LDLRAD4: variants seen among roughly 807,000 people sequenced by gnomAD.
The protein encoded by LDLRAD4 is low density lipoprotein receptor class A domain containing 4.
Under a neutral mutation model 17.0 loss-of-function variants are expected in LDLRAD4, and 5 were observed. The ratio of observed to expected loss-of-function variants is 0.29; its 90% CI spans 0.15 to 0.62. The LOEUF is 0.62. LDLRAD4 is among the 20% of genes least tolerant of loss of function. LDLRAD4 has a pLI of 0.84. For synonymous variants in LDLRAD4, 168 were observed against 171.8 expected, an observed-to-expected ratio of 0.98 and a Z score of 0.17; for missense variants, 340 against 424.7, an observed-to-expected ratio of 0.80 and a Z score of 1.75.
chr18:13,527,696 C>T (rs1397259799), intron 3 of LDLRAD4, among the ~76,000 whole-genome samples: 1 of 152,168 alleles, frequency 6.6e-6, no homozygotes, highest in Non-Finnish European at 1.5e-5. Flanking sequence ...AGAAACGAGG[C>T]AGAGTGTGAG....
At chr18:13,515,566 C>T (rs936061671) in intron 3 of LDLRAD4, 3 of 152,204 alleles carry the variant, frequency 2.0e-5, no homozygotes, top group Non-Finnish European at 4.4e-5. Flanking sequence ...TGAAAGGTTC[C>T]TGCTGTTTTG....
chr18:13,321,506 A>G (rs1473572105), intron 1 of LDLRAD4, among the ~76,000 whole-genome samples: 1 of 152,014 alleles, frequency 6.6e-6, no homozygotes, highest in Non-Finnish European at 1.5e-5. Context: ...TTCCCATTCA[A>G]TTTTACAGCT....
At chr18:13,254,461 G>A (rs920827098) in intron 1 of LDLRAD4, among the ~76,000 whole-genome samples, 4 of 152,166 alleles carry the variant, frequency 2.6e-5, no homozygotes, top group Non-Finnish European at 4.4e-5. Flanking sequence ...GGGCTGGCGC[G>A]GACAGAGAGA....
intron 1 of LDLRAD4, among the ~76,000 whole-genome samples, chr18:13,321,897 A>AAAAAAG (rs2081260513): frequency 1.0e-4 from 12 of 115,340 alleles, no homozygotes; most frequent in Non-Finnish European, 8.7e-5. Context: ...AAAAAAAAAA[A>AAAAAAG]AAAAAGAAAA....
intron 3 of LDLRAD4, among the ~76,000 whole-genome samples, chr18:13,591,678 C>T (rs946698443): frequency 6.6e-6 from 1 of 152,012 alleles, no homozygotes; most frequent in Non-Finnish European, 1.5e-5. Context: ...AATAAAATAC[C>T]GCAGATTGGA....
intron 1 of LDLRAD4, among the ~76,000 whole-genome samples, chr18:13,308,491 G>A (rs2047043117): frequency 6.6e-6 from 1 of 152,336 alleles, no homozygotes; most frequent in Middle Eastern, 3.4e-3. Context: ...TCACCAAGTC[G>A]CCCTTCCTGG....
upstream of LDLRAD4, chr18:13,217,922 C>CG (rs1397867991): frequency 1.4e-5 from 2 of 147,632 alleles, no homozygotes; most frequent in African/African-American, 4.9e-5. This position sits in a 1 kb window ranked among gnomAD's most constrained non-coding sequence, Gnocchi z 4.9. Context: ...GGGGGAGGCC[C>CG]GGGGGTGAGG....
chr18:13,367,423 C>A lies in LDLRAD4; in HGVS notation c.-382-19918C>A, dbSNP rs115474790. On this transcript the variant is annotated intron_variant, in intron 1 of 5. Transcript: ENST00000359446. This position sits in a 1 kb window ranked among gnomAD's most constrained non-coding sequence, Gnocchi z 4.1. Reference sequence around the variant, plus strand: ...CGAGGGGGTCTCAGGCATTGAACTGCGTGGGGCACTCCATGGGGCAGAAAA... The same window carrying A: ...CGAGGGGGTCTCAGGCATTGAACTGAGTGGGGCACTCCATGGGGCAGAAAA... 1.3e-5 allele frequency among the ~76,000 whole-genome samples: 2 copies of A among 152,096 alleles called. No homozygotes were observed. Among genetic ancestry groups the A allele is most frequent in the African/African-American group, 4.8e-5 (2 of 41,414 alleles).
chr18:13,559,939 A>C (rs184886283), intron 3 of LDLRAD4, among the ~76,000 whole-genome samples: 7 of 152,078 alleles, frequency 4.6e-5, no homozygotes, highest in Non-Finnish European at 1.0e-4. Flanking sequence ...CTTCAAACCA[A>C]GATGTTGGTC....
At chr18:13,612,607 T>G in intron 3 of LDLRAD4, 16 of 1,584,408 alleles carry the variant, frequency 1.0e-5, no homozygotes, top group Admixed American at 1.8e-5. Flanking sequence ...ACTGCAGCTC[T>G]GAGCTGCCTG....
chr18:13,425,640 G>A (rs564474688), intron 2 of LDLRAD4, among the ~76,000 whole-genome samples: 1 of 152,316 alleles, frequency 6.6e-6, no homozygotes, highest in East Asian at 1.9e-4. Flanking sequence ...TGACAGAATG[G>A]GACAGAGCAG....
intron 1 of LDLRAD4, among the ~76,000 whole-genome samples, chr18:13,283,934 A>G (rs1184868083): frequency 6.6e-6 from 1 of 152,188 alleles, no homozygotes. Context: ...AGAATGAGGA[A>G]GAAGCAAAAG....
chr18:13,460,233 C>T (rs1374195731), intron 3 of LDLRAD4, among the ~76,000 whole-genome samples: 1 of 152,146 alleles, frequency 6.6e-6, no homozygotes, highest in Non-Finnish European at 1.5e-5. Flanking sequence ...CACTCTCTTG[C>T]CTAGGCTTGA....
At chr18:13,488,551 A>C (rs974693642) in intron 3 of LDLRAD4, 1 of 152,256 alleles carries the variant, frequency 6.6e-6, no homozygotes, top group Non-Finnish European at 1.5e-5. Flanking sequence ...AGCCCTGTGC[A>C]CTAAGAAAGC....
Position 13,398,019 on chromosome 18 carries a change from T to G in LDLRAD4, c.40+10257T>G, listed in dbSNP as rs964251026. 6.6e-6 allele frequency among the ~76,000 whole-genome samples: 1 copy of G among 152,182 alleles called. No homozygotes were observed. Among genetic ancestry groups the G allele is most frequent in the Non-Finnish European group, 1.5e-5 (1 of 68,018 alleles). On this transcript the variant is annotated intron_variant, in intron 2 of 5. Transcript: ENST00000359446. This position sits in a 1 kb window ranked among gnomAD's most constrained non-coding sequence, Gnocchi z 4.8. ...AGGAGGTGTGGGCGTGATCCGAGTT[T>G]GTGGCTCAGGATCTGCACAGGCCCG...
intron 3 of LDLRAD4, among the ~76,000 whole-genome samples, chr18:13,590,184 G>A (rs941772300): frequency 6.6e-6 from 1 of 151,714 alleles, no homozygotes; most frequent in Non-Finnish European, 1.5e-5. Flanking sequence ...GAGTACGGGG[G>A]AAGGAGATGT....
chr18:13,408,202 C>G (rs1037139617), intron 2 of LDLRAD4, among the ~76,000 whole-genome samples: 3 of 151,774 alleles, frequency 2.0e-5, no homozygotes, highest in Admixed American at 2.0e-4. Flanking sequence ...GGCGAAACCC[C>G]GTCTCTACAA....
chr18:13,550,799 G>T lies in LDLRAD4; in HGVS notation c.182-70318G>T, dbSNP rs989730469. On this transcript the variant is annotated intron_variant, in intron 3 of 5. Transcript: ENST00000359446. ...AGACTCCAAGTCCGAGTCCCGCTGTGAGTGGTGTCCAGAACCTGGCTCCAA... is the reference window on the plus strand; with the variant it reads ...AGACTCCAAGTCCGAGTCCCGCTGTTAGTGGTGTCCAGAACCTGGCTCCAA... Among the ~76,000 whole-genome samples the T allele has an allele frequency of 4.5e-4, 68 of 152,192 alleles. 4 individuals carry two copies. The highest frequency in any genetic ancestry group is 5.9e-5 in the Non-Finnish European group (4 of 68,030).
Position 13,506,225 on chromosome 18 carries a change from T to A in LDLRAD4, c.181+67841T>A, listed in dbSNP as rs552115502. 5.9e-5 allele frequency among the ~76,000 whole-genome samples: 9 copies of A among 152,196 alleles called. No individual in the cohort carries two copies. In the South Asian group the frequency reaches 6.3e-4, roughly 11 times the overall value. ...TGCGAGCAGCTGTTTCCTCTTTTTT[T>A]TTTTTATTATTATACTTTAAGTTCT... On this transcript the variant is annotated intron_variant, in intron 3 of 5. Coordinates refer to ENST00000359446, the Ensembl canonical transcript of LDLRAD4.
Sources: allele counts gnomAD v4.1 joint callset (sites outside exome capture counted in the v4.1 genomes callset), GRCh38; gene constraint gnomAD v4.1.1; non-coding constraint Gnocchi (gnomAD v3.1); transcripts MANE v1.5; gene names NCBI Gene and HGNC (gene_info 2026-07-23, HGNC 2026-07-21).